ITGA8: variants seen among roughly 807,000 people sequenced by gnomAD.
ITGA8 encodes integrin alpha-8.
In ITGA8, 91 loss-of-function variants were observed where a neutral mutation model predicts 142.3. That is an observed-to-expected ratio of 0.64 (90% CI 0.54 to 0.76). ITGA8 has a LOEUF of 0.76. ITGA8 is among the 30% of genes least tolerant of loss of function. The pLI, the probability that ITGA8 is intolerant of heterozygous loss-of-function variation, is 0.00. For missense variants in ITGA8, 1,406 were observed against 1,327.7 expected (o/e 1.06, Z -0.92); for synonymous variants, 505 against 485.2 (o/e 1.04, Z -0.54).
In ITGA8 at chr10:15,530,676, C is replaced by T. The variant is rs199615535; in HGVS notation, c.2982+374G>A. On this transcript the variant is annotated intron_variant, in intron 28 of 29. Coordinates refer to ENST00000378076, the MANE Select transcript of ITGA8 (RefSeq NM_003638.3). ...ACTGTCCAAAGCCATGCGGCTGCTC[C>T]GTAGCCTACTATCCCTAAGAAAGAA... 3.9e-5 allele frequency among the ~76,000 whole-genome samples: 6 copies of T among 152,096 alleles called. No individual in the cohort carries two copies. The East Asian group carries it at 9.6e-4, about 24-fold the overall frequency.
intron 2 of ITGA8, among the ~76,000 whole-genome samples, chr10:15,692,812 A>T (rs1424803272): frequency 6.6e-6 from 1 of 152,248 alleles, no homozygotes; most frequent in Non-Finnish European, 1.5e-5. Flanking sequence ...TCATGCCGGT[A>T]ATCCCAGCAC....
chr10:15,626,349 C>A (rs1833582295), intron 13 of ITGA8, among the ~76,000 whole-genome samples: 1 of 152,088 alleles, frequency 6.6e-6, no homozygotes, highest in South Asian at 2.1e-4. Flanking sequence ...GCCTCCTGAG[C>A]AGCTGGGATT....
At chr10:15,561,231 A>ATATG (rs1277625676) in intron 25 of ITGA8, among the ~76,000 whole-genome samples, 2 of 95,494 alleles carry the variant, frequency 2.1e-5, no homozygotes, top group Non-Finnish European at 4.9e-5. Flanking sequence ...ATATATATAT[A>ATATG]TATGTATATA....
chr10:15,518,381 C>G (rs1237553201), intron 29 of ITGA8, among the ~76,000 whole-genome samples: 1 of 152,110 alleles, frequency 6.6e-6, no homozygotes, highest in Non-Finnish European at 1.5e-5. Context: ...CAGAACAACA[C>G]AAAAGTCCAT....
intron 27 of ITGA8, among the ~76,000 whole-genome samples, chr10:15,532,430 A>AG (rs1564339111): frequency 7.4e-6 from 1 of 135,018 alleles, no homozygotes; most frequent in Admixed American, 8.1e-5. Flanking sequence ...AAAAAAAAAA[A>AG]AAAAAAAAAA....
At chr10:15,658,699 A>T (rs897259422) in intron 10 of ITGA8, among the ~76,000 whole-genome samples, 7 of 152,156 alleles carry the variant, frequency 4.6e-5, no homozygotes, top group Non-Finnish European at 8.8e-5. Context: ...CTCCTGTCTT[A>T]TATCACTCAG....
At chr10:15,681,296 GCCATGA>G (rs45626744) in intron 4 of ITGA8, among the ~76,000 whole-genome samples, 5,095 of 152,234 alleles carry the variant, frequency 0.033, 100 homozygotes, top group Non-Finnish European at 0.049. Context: ...GAACTTCTTG[GCCATGA>G]CGGGAAGTCT....
chr10:15,625,280 T>A (rs10795312), intron 13 of ITGA8, among the ~76,000 whole-genome samples: 103,434 of 152,118 alleles, frequency 0.68, 36,522 homozygotes, highest in South Asian at 0.86. Flanking sequence ...AAATGATGAG[T>A]CTGCCTTATG....
chr10:15,686,415 G>A (rs1332413837), intron 3 of ITGA8, among the ~76,000 whole-genome samples: 1 of 152,212 alleles, frequency 6.6e-6, no homozygotes, highest in Non-Finnish European at 1.5e-5. Flanking sequence ...CACTTGTGTA[G>A]CTTGATCTTC....
chr10:15,700,516 A>G (rs766215413), intron 2 of ITGA8, among the ~76,000 whole-genome samples: 1 of 152,198 alleles, frequency 6.6e-6, no homozygotes, highest in Non-Finnish European at 1.5e-5. Flanking sequence ...TAAACATGCA[A>G]ATAAGATGTC....
intron 27 of ITGA8, among the ~76,000 whole-genome samples, chr10:15,547,812 C>T (rs1036085367): frequency 1.3e-5 from 2 of 152,136 alleles, no homozygotes; most frequent in African/African-American, 4.8e-5. Flanking sequence ...CTTCTCTGGA[C>T]ATATATATCT....
intron 13 of ITGA8, among the ~76,000 whole-genome samples, chr10:15,633,773 TC>T (rs1833723683): frequency 6.6e-6 from 1 of 152,162 alleles, no homozygotes; most frequent in Non-Finnish European, 1.5e-5. Flanking sequence ...AATCTGTGGA[TC>T]CCTTTTCCCC....
At chr10:15,700,158 G>A (rs574881758) in intron 2 of ITGA8, among the ~76,000 whole-genome samples, 1 of 152,218 alleles carries the variant, frequency 6.6e-6, no homozygotes, top group Non-Finnish European at 1.5e-5. Flanking sequence ...TTTATACAGT[G>A]GCAGAGATAC....
chr10:15,628,015 G>T (rs964251971), intron 13 of ITGA8, among the ~76,000 whole-genome samples: 4 of 151,952 alleles, frequency 2.6e-5, no homozygotes, highest in African/African-American at 9.7e-5. Flanking sequence ...TATAATGAAT[G>T]CATTAGCATA....
Position 15,678,738 on chromosome 10 carries a change from C to G in ITGA8, c.614G>C (p.Ser205Thr), listed in dbSNP as rs1834679902. 2 of 1,610,350 alleles carry G rather than the reference C, an allele frequency of 1.2e-6. No individual in the cohort carries two copies. Among genetic ancestry groups the G allele is most frequent in the Admixed American group, 3.3e-5 (2 of 59,894 alleles). The part of the protein sequence containing the change: ...EGQGYCQAGF[S>T]LDFYKNGDLI... ...ATAATTCACCTTATAAAAATCCAGA[C>G]TAAATCCTGCTTGGCAGTAACCCTG... The change falls in exon 5 of 30, where the codon AGT becomes ACT. Residue 205 changes from serine to threonine, a missense_variant. Transcript: ENST00000378076.
chr10:15,567,709 G>T (rs1290197408), intron 25 of ITGA8, among the ~76,000 whole-genome samples: 3 of 152,140 alleles, frequency 2.0e-5, no homozygotes, highest in Non-Finnish European at 2.9e-5. Context: ...GCACTTCCAT[G>T]CCCCTAGGCT....
chr10:15,700,911 A>G (rs1008897861), intron 2 of ITGA8, among the ~76,000 whole-genome samples: 1 of 152,204 alleles, frequency 6.6e-6, no homozygotes, highest in Non-Finnish European at 1.5e-5. Context: ...TGTTTACTGC[A>G]ATAGTATACA....
intron 1 of ITGA8, 62 bp downstream of exon 1, chr10:15,719,501 C>T: frequency 7.0e-7 from 1 of 1,435,890 alleles, no homozygotes; most frequent in African/African-American, 1.5e-5. Context: ...GGCAGAGCCG[C>T]TGGGACCTGA....
intron 27 of ITGA8, among the ~76,000 whole-genome samples, chr10:15,537,098 C>T (rs1272871083): frequency 1.3e-5 from 2 of 152,124 alleles, no homozygotes; most frequent in African/African-American, 4.8e-5. Flanking sequence ...TAGGATTAAC[C>T]TACATACAAT....
Sources: allele counts gnomAD v4.1 joint callset (sites outside exome capture counted in the v4.1 genomes callset), GRCh38; gene constraint gnomAD v4.1.1; transcripts MANE v1.5; gene names NCBI Gene and HGNC (gene_info 2026-07-23, HGNC 2026-07-21).